HS3ST4: variants seen among roughly 807,000 people sequenced by gnomAD.
HS3ST4 encodes heparan sulfate-glucosamine 3-sulfotransferase 4, also known as heparan sulfate glucosamine 3-O-sulfotransferase 4.
HS3ST4 carries 17 observed loss-of-function variants against 29.2 expected under a neutral mutation model. That is an observed-to-expected ratio of 0.58 (90% CI 0.40 to 0.87). HS3ST4 has a LOEUF of 0.87. Ranked by LOEUF, HS3ST4 falls within the 40% of genes least tolerant of loss-of-function variation. The pLI is 0.00. For synonymous variants in HS3ST4, 314 were observed against 285.7 expected (o/e 1.10, Z -1.00); for missense variants, 627 against 634.5 (o/e 0.99, Z 0.13).
At chr16:25,807,281 G>A (rs2141626803) in intron 1 of HS3ST4, among the ~76,000 whole-genome samples, 1 of 152,246 alleles carries the variant, frequency 6.6e-6, no homozygotes, top group East Asian at 1.9e-4. Flanking sequence ...GCCTCTGGTT[G>A]CCTTTTTATA....
At chr16:25,895,480 A>C (rs1012218583) in intron 1 of HS3ST4, among the ~76,000 whole-genome samples, 5 of 151,898 alleles carry the variant, frequency 3.3e-5, no homozygotes, top group African/African-American at 1.2e-4. Context: ...GAGAGTTGTC[A>C]GGGGCTCGAT....
chr16:25,796,868 G>A (rs988876611), intron 1 of HS3ST4, among the ~76,000 whole-genome samples: 2 of 152,200 alleles, frequency 1.3e-5, no homozygotes, highest in Admixed American at 1.3e-4. Context: ...CATGGCAAGG[G>A]GTGGGAACTT....
chr16:25,903,310 A>G (rs1431675574), intron 1 of HS3ST4, among the ~76,000 whole-genome samples: 23 of 124,524 alleles, frequency 1.8e-4, no homozygotes, highest in South Asian at 2.5e-4. Context: ...GTGTATGTAT[A>G]TGTATATATT....
At chr16:25,884,868 C>T (rs894913769) in intron 1 of HS3ST4, among the ~76,000 whole-genome samples, 2 of 152,120 alleles carry the variant, frequency 1.3e-5, no homozygotes, top group Admixed American at 1.3e-4. Context: ...AACCACTGCG[C>T]CCGGCCGAGG....
intron 1 of HS3ST4, among the ~76,000 whole-genome samples, chr16:25,845,829 A>T (rs1179252315): frequency 1.3e-5 from 2 of 151,968 alleles, no homozygotes; most frequent in Non-Finnish European, 2.9e-5. Context: ...GAATAAGTTT[A>T]TTCTTATAAA....
intron 1 of HS3ST4, among the ~76,000 whole-genome samples, chr16:26,047,305 A>C (rs1400001884): frequency 6.6e-6 from 1 of 152,220 alleles, no homozygotes; most frequent in South Asian, 2.1e-4. Context: ...TTCTGCATCA[A>C]GGACTCTTCC....
At chr16:26,004,687 G>A (rs757782848) in intron 1 of HS3ST4, among the ~76,000 whole-genome samples, 1 of 152,140 alleles carries the variant, frequency 6.6e-6, no homozygotes, top group South Asian at 2.1e-4. Context: ...CTTCACTGGG[G>A]CTCAGTTTCC....
intron 1 of HS3ST4, among the ~76,000 whole-genome samples, chr16:25,977,400 T>C (rs1968954555): frequency 6.6e-6 from 1 of 152,210 alleles, no homozygotes; most frequent in African/African-American, 2.4e-5. Flanking sequence ...GAGCACATCA[T>C]GCCCTCTTTT....
intron 1 of HS3ST4, among the ~76,000 whole-genome samples, chr16:25,815,275 T>C (rs555094074): frequency 6.6e-6 from 1 of 152,336 alleles, no homozygotes; most frequent in South Asian, 2.1e-4. Flanking sequence ...CCCGTGGGGC[T>C]GGGTGCAGGG....
intron 1 of HS3ST4, among the ~76,000 whole-genome samples, chr16:25,942,867 C>G (rs1235647776): frequency 6.6e-6 from 1 of 152,126 alleles, no homozygotes; most frequent in Non-Finnish European, 1.5e-5. Flanking sequence ...AGCAATCCTC[C>G]CACTTCAGCC....
At position 25,692,521 on chromosome 16, in the gene HS3ST4, T is replaced by G; in HGVS notation, c.104T>G (p.Leu35Arg). The G allele has an allele frequency of 1.4e-6, 2 of 1,420,150 alleles. No individual in the cohort carries two copies. Among genetic ancestry groups the G allele is most frequent in the Non-Finnish European group, 1.9e-6 (2 of 1,074,340 alleles). 88.0% of individuals were successfully genotyped at this position (1,420,150 alleles called of 1,614,324 possible). Residue 35 changes from leucine (L) to arginine (R), a missense_variant, in exon 1 of 2, where the codon CTG (leucine) becomes CGG (arginine). Leu to Arg is a moderately radical substitution (Grantham distance 102, BLOSUM62 -2). Coordinates refer to ENST00000331351, the MANE Select transcript of HS3ST4 (RefSeq NM_006040.3). ...ASAKGPPARK[L>R]LFMCTLSLSV... ...GCTAAGGGGCCGCCGGCGCGCAAGC[T>G]GCTTTTTATGTGCACCTTGTCCCTG...
At chr16:25,754,809 C>G (rs1966746077) in intron 1 of HS3ST4, among the ~76,000 whole-genome samples, 1 of 152,020 alleles carries the variant, frequency 6.6e-6, no homozygotes, top group Non-Finnish European at 1.5e-5. Context: ...AACTACAATT[C>G]AAGATGAGAT....
intron 1 of HS3ST4, among the ~76,000 whole-genome samples, chr16:25,813,788 C>G (rs1024926516): frequency 3.9e-5 from 6 of 152,182 alleles, no homozygotes; most frequent in Admixed American, 3.9e-4. Context: ...CACAAATGTT[C>G]ACAGCAGCTT....
At position 26,115,264 on chromosome 16, in the gene HS3ST4, T is replaced by TACACAC. The variant is rs368821262; in HGVS notation, c.735-20347_735-20346insCACACA. On this transcript the variant is annotated intron_variant, in intron 1 of 1. Coordinates refer to ENST00000331351, the MANE Select transcript of HS3ST4 (RefSeq NM_006040.3). ...GTGTGTGTATATATATATACATATA[T>TACACAC]ATACACACACACACACACACACAAG... Among the ~76,000 whole-genome samples the TACACAC allele has an allele frequency of 3.4e-3, 461 of 136,618 alleles. 3 individuals are homozygous for TACACAC. Among genetic ancestry groups the TACACAC allele is most frequent in the African/African-American group, 0.011 (434 of 40,134 alleles). The allele number at this position is 136,618 out of a possible 152,430, so 89.6% of individuals were successfully genotyped here.
chr16:26,101,374 T>C (rs1313905258), intron 1 of HS3ST4, among the ~76,000 whole-genome samples: 1 of 152,226 alleles, frequency 6.6e-6, no homozygotes, highest in Non-Finnish European at 1.5e-5. Context: ...AGGCTAGAGC[T>C]TCCCAGTCCT....
chr16:26,001,430 T>A (rs3923855), intron 1 of HS3ST4, among the ~76,000 whole-genome samples: 30,515 of 152,158 alleles, frequency 0.2, 3,199 homozygotes, highest in African/African-American at 0.23. Flanking sequence ...CAGGGTTTTT[T>A]TTGTATTATG....
intron 1 of HS3ST4, among the ~76,000 whole-genome samples, chr16:25,995,556 A>T (rs1472068312): frequency 6.6e-6 from 1 of 152,184 alleles, no homozygotes; most frequent in East Asian, 1.9e-4. Flanking sequence ...TTTCATGCCT[A>T]TCCCTGAACC....
At chr16:25,994,011 GGAGA>G (rs142126886) in intron 1 of HS3ST4, among the ~76,000 whole-genome samples, 2 of 132,968 alleles carry the variant, frequency 1.5e-5, no homozygotes, top group African/African-American at 5.6e-5. Context: ...TGTGTGTGGT[GGAGA>G]GAGAGAGAGA....
intron 1 of HS3ST4, among the ~76,000 whole-genome samples, chr16:25,876,855 C>T (rs963878475): frequency 5.3e-5 from 8 of 152,020 alleles, no homozygotes; most frequent in Non-Finnish European, 8.8e-5. Flanking sequence ...TTCATTTAAC[C>T]TCTGTGCTTC....
Sources: gnomAD v4.1 joint callset for allele counts (sites outside exome capture counted in the v4.1 genomes callset) on GRCh38, gnomAD v4.1.1 for gene constraint, MANE v1.5 for transcripts, NCBI Gene and HGNC (gene_info 2026-07-23, HGNC 2026-07-21) for gene names.